KLK7: variants seen among roughly 807,000 people sequenced by gnomAD.
The protein encoded by KLK7 is kallikrein related peptidase 7, also known as kallikrein-7.
A neutral mutation model predicts 21.0 loss-of-function variants in KLK7; 17 were observed. The ratio of observed to expected loss-of-function variants is 0.81; its 90% CI spans 0.55 to 1.21. KLK7 has a LOEUF of 1.21. KLK7 is among the 50% of genes most tolerant of loss of function. The pLI is 0.00. For missense variants in KLK7, 330 were observed against 322.8 expected (o/e 1.02, Z -0.17); for synonymous variants, 151 against 134.6 (o/e 1.12, Z -0.85).
At position 50,979,879 on chromosome 19, in the gene KLK7, G is replaced by A. The variant is rs370146929; in HGVS notation, c.515C>T (p.Ser172Phe). 3 of 1,592,184 alleles carry A rather than the reference G, an allele frequency of 1.9e-6. No homozygotes were observed. Among genetic ancestry groups the A allele is most frequent in the South Asian group, 1.1e-5 (1 of 87,246 alleles). The change falls in exon 5 of 6, where the codon TCC (serine) becomes TTC (phenylalanine). Residue 172 changes from serine to phenylalanine, a missense_variant. Transcript: ENST00000595820. Reference sequence around the variant, plus strand: ...GTAAACCTTCGTGCAGTCCTGGGGGGAGATGAGCTTGACATCCACGCACAT... The same window carrying A: ...GTAAACCTTCGTGCAGTCCTGGGGGAAGATGAGCTTGACATCCACGCACAT... ...DLMCVDVKLI[S>F]PQDCTKVYKD...
At chr19:50,980,101 C>T (rs1364840990) in intron 4 of KLK7, 139 bp downstream of exon 4, 10 of 1,187,610 alleles carry the variant, frequency 8.4e-6, no homozygotes, top group African/African-American at 3.2e-5. Context: ...GGGCTGGGGG[C>T]CTGGACTCCT....
intron 3 of KLK7, among the ~76,000 whole-genome samples, 181 bp downstream of exon 3, chr19:50,981,584 CAG>C (rs1202494394): frequency 8.2e-6 from 1 of 122,584 alleles, no homozygotes; most frequent in Non-Finnish European, 1.6e-5. Flanking sequence ...GAGAGGGAGA[CAG>C]AGAGCCAGGG....
intron 5 of KLK7, among the ~76,000 whole-genome samples, chr19:50,978,567 G>T (rs1418765640): frequency 2.1e-5 from 3 of 140,318 alleles, no homozygotes; most frequent in South Asian, 2.6e-4. Flanking sequence ...AGAGAAGAGA[G>T]AGAGAGATGG....
intron 1 of KLK7, 85 bp from the exon 2 acceptor site, chr19:50,982,542 GGA>G: frequency 8.0e-7 from 1 of 1,248,650 alleles, no homozygotes; most frequent in Non-Finnish European, 1.1e-6. Flanking sequence ...CACAGACCCA[GGA>G]GTCCAGGCCC....
chr19:50,981,873 C>G lies in KLK7; in HGVS notation c.115G>C (p.Gly39Arg), dbSNP rs376378152. 8.1e-6 allele frequency: 13 copies of G among 1,612,452 alleles called. No homozygotes were observed. The African/African-American group carries it at 1.2e-4, about 15-fold the overall frequency. ...KIIDGAPCAR[G>R]SHPWQVALLS... ...AGGGCCACCTGCCATGGGTGGGAGC[C>G]TCTTGCACATGGGGCGCCATCAATA... Residue 39 changes from glycine to arginine, a missense_variant, in exon 3 of 6, where the codon GGC becomes CGC. Transcript: ENST00000595820.
intron 2 of KLK7, 108 bp downstream of exon 2, chr19:50,982,219 C>T: frequency 7.0e-7 from 1 of 1,432,562 alleles, no homozygotes; most frequent in Non-Finnish European, 9.6e-7. Flanking sequence ...GTCTGGTCCT[C>T]CCAGGATGGA....
At chr19:50,979,976 C>A in intron 4 of KLK7, 52 bp from the exon 5 acceptor site, 1 of 1,556,252 alleles carries the variant, frequency 6.4e-7, no homozygotes, top group African/African-American at 1.4e-5. Context: ...GGGGCGAGGA[C>A]CAGAAGGGCT....
At position 50,981,818 on chromosome 19, in the gene KLK7, C is replaced by A. The variant is rs372639653; in HGVS notation, c.170G>T (p.Gly57Val). Residue 57 changes from glycine (G) to valine (V), a missense_variant, in exon 3 of 6, where the codon GGC becomes GTC. Physicochemically the swap from Gly to Val is moderately radical, Grantham distance 109. Transcript: ENST00000595820. ...CACCCAGCGCTCATTGACCAGGACG[C>A]CTCCGCAGTGGAGCTGATTGCCACT... is the stretch of plus-strand genomic sequence containing the variant. ...LLSGNQLHCG[G>V]VLVNERWVLT... The A allele has an allele frequency of 6.2e-7, 1 of 1,602,590 alleles. No individual in the cohort carries two copies. The highest frequency in any genetic ancestry group is 8.5e-7 in the Non-Finnish European group (1 of 1,175,880).
rs567336020 is a variant in KLK7 at position 50,980,417 on chromosome 19, A to C, written c.292T>G (p.Ser98Ala). The change falls in exon 4 of 6, where the codon TCA becomes GCA. Residue 98 changes from serine to alanine, a missense_variant. Transcript: ENST00000595820. ...RRAQRIKASKSFRHPGYSTQT... is the reference protein window; with the variant it reads ...RRAQRIKASKAFRHPGYSTQT... Reference sequence around the variant, plus strand: ...GTGGAGTAGCCGGGGTGGCGGAATGACTTCGAGGCCTTGATCCTCTGAGCT... The same window carrying C: ...GTGGAGTAGCCGGGGTGGCGGAATGCCTTCGAGGCCTTGATCCTCTGAGCT... 7.4e-6 allele frequency: 12 copies of C among 1,613,970 alleles called. No individual in the cohort carries two copies. In the African/African-American group the frequency reaches 1.1e-4, roughly 14 times the overall value.
upstream of KLK7, chr19:50,983,974 G>T: frequency 7.9e-7 from 1 of 1,266,156 alleles, no homozygotes; most frequent in South Asian, 1.2e-5. Context: ...CGGCCCCAGC[G>T]CCCTGGGGTG....
At position 50,981,844 on chromosome 19, in the gene KLK7, G is replaced by A. The variant is rs764890599; in HGVS notation, c.144C>T (p.Leu48=). Residue 48 remains leucine, a synonymous_variant, in exon 3 of 6, where the codon CTC becomes CTT. Coordinates refer to ENST00000595820, the MANE Select transcript of KLK7 (RefSeq NM_005046.4). ...RGSHPWQVAL[L]SGNQLHCGGV... is the part of the protein sequence containing the mutation. ...CTCCGCAGTGGAGCTGATTGCCACT[G>A]AGCAGGGCCACCTGCCATGGGTGGG... is the stretch of plus-strand genomic sequence containing the variant. The A allele has an allele frequency of 6.2e-7, 1 of 1,610,704 alleles. No individual in the cohort carries two copies. Among genetic ancestry groups the A allele is most frequent in the Non-Finnish European group, 8.5e-7 (1 of 1,179,012 alleles).
upstream of KLK7, chr19:50,984,064 T>A (rs1248200126): frequency 2.1e-6 from 1 of 478,718 alleles, no homozygotes; most frequent in African/African-American, 2.0e-5. Context: ...CGAGAGCAAT[T>A]GGCACCACTG....
Position 50,982,005 on chromosome 19 carries a change from A to G in KLK7, c.74-91T>C, listed in dbSNP as rs2091093259. 6 of 1,333,238 alleles carry G rather than the reference A, an allele frequency of 4.5e-6. No homozygotes were observed. In the Admixed American group the frequency reaches 1.1e-4, roughly 23 times the overall value. The allele number at this position is 1,333,238 out of a possible 1,614,324, so 82.6% of individuals were successfully genotyped here. A position where few individuals can be genotyped will look rare whatever the true frequency, so the allele number is the denominator to read the frequency against. On this transcript the variant is annotated intron_variant, in intron 2 of 5. Transcript: ENST00000595820. ...GGGATTCCCAGAGTCAGAGATGGAC[A>G]GAGACAGATGAAAATGTGTGGAGAA... is the stretch of plus-strand genomic sequence containing the variant.
rs1328147852 is a variant in KLK7 at position 50,977,606 on chromosome 19, T to A, written c.692A>T (p.Asp231Val). The A allele has an allele frequency of 6.2e-7, 1 of 1,613,472 alleles. No homozygotes were observed. Among genetic ancestry groups the A allele is most frequent in the Non-Finnish European group, 8.5e-7 (1 of 1,179,830 alleles). ...GCACACTTGAGTGTAGACTCCTGGG[T>A]CATTGGGTTGGCCGCAAGGGAAAGT... is the stretch of plus-strand genomic sequence containing the variant. ...WGTFPCGQPN[D>V]PGVYTQVCKF... is the part of the protein sequence containing the mutation. The change falls in exon 6 of 6, where the codon GAC becomes GTC. Residue 231 changes from aspartate (D) to valine (V), a missense_variant. Coordinates refer to ENST00000595820, the MANE Select transcript of KLK7 (RefSeq NM_005046.4).
chr19:50,982,409 C>A lies in KLK7; in HGVS notation c.-10G>T, dbSNP rs775433335. The stretch of plus-strand genomic sequence containing the variant: ...GAAGGGATCTTGCCATGGTGCCCTG[C>A]TGAGCCGCTCAGGGGCTGCCAGGCG... On this transcript the variant is annotated 5_prime_UTR_variant, in exon 2 of 6. Transcript: ENST00000595820. The A allele has an allele frequency of 6.2e-7, 1 of 1,604,192 alleles. No homozygotes were observed. The highest frequency in any genetic ancestry group is 1.1e-5 in the South Asian group (1 of 89,168).
rs1436694622 is a variant in KLK7, at chr19:50,977,490, G to C, written c.*46C>G. 1 of 1,594,864 alleles carries C rather than the reference G, an allele frequency of 6.3e-7. No individual in the cohort carries two copies. Among genetic ancestry groups the C allele is most frequent in the South Asian group, 1.1e-5 (1 of 90,650 alleles). On this transcript the variant is annotated 3_prime_UTR_variant, in exon 6 of 6. Transcript: ENST00000595820. ...ATAGGTCATCGGCGTCCTCACTCCT[G>C]TGCATTTTCTGTTGGAAGCACACAG... is the stretch of plus-strand genomic sequence containing the variant.
Position 50,976,752 on chromosome 19 carries a change from T to A in KLK7, c.*784A>T, listed in dbSNP as rs2091041851. The A allele has an allele frequency of 6.6e-6, 1 of 152,216 alleles. No homozygotes were observed. Among genetic ancestry groups the A allele is most frequent in the African/African-American group, 2.4e-5 (1 of 41,458 alleles). The allele number at this position is 152,216 out of a possible 1,614,324, so 9.4% of individuals were successfully genotyped here. ...TATCATTTTTAATAGGTTTGTAATA[T>A]CATTGTGGGCTGGCCGTGGTGGCTC... is the stretch of plus-strand genomic sequence containing the variant. On this transcript the variant is annotated 3_prime_UTR_variant, in exon 6 of 6. Coordinates refer to ENST00000595820, the MANE Select transcript of KLK7 (RefSeq NM_005046.4).
In KLK7 at chr19:50,980,434, C is replaced by A. The variant is rs765835597; in HGVS notation, c.275G>T (p.Arg92Met). The A allele has an allele frequency of 1.9e-6, 3 of 1,614,036 alleles. No homozygotes were observed. Among genetic ancestry groups the A allele is most frequent in the Non-Finnish European group, 1.7e-6 (2 of 1,179,962 alleles). The change falls in exon 4 of 6, where the codon AGG (arginine) becomes ATG (methionine). Residue 92 changes from arginine (R) to methionine (M), a missense_variant. Coordinates refer to ENST00000595820, the MANE Select transcript of KLK7 (RefSeq NM_005046.4). ...GCGGAATGACTTCGAGGCCTTGATC[C>A]TCTGAGCTCTCCTGTCGCCCAGCGT... ...SDTLGDRRAQ[R>M]IKASKSFRHP...
At chr19:50,981,654 A>C in intron 3 of KLK7, 113 bp downstream of exon 3, 11 of 1,024,754 alleles carry the variant, frequency 1.1e-5, no homozygotes, top group Non-Finnish European at 1.4e-5. Flanking sequence ...AGAGGAGGAC[A>C]GAGACCCAGA....
Sources: gnomAD v4.1 joint callset for allele counts (sites outside exome capture counted in the v4.1 genomes callset) on GRCh38, gnomAD v4.1.1 for gene constraint, MANE v1.5 for transcripts, NCBI Gene and HGNC (gene_info 2026-07-23, HGNC 2026-07-21) for gene names.